MRPL48: variants seen among roughly 807,000 people sequenced by gnomAD.
MRPL48 encodes the protein large ribosomal subunit protein mL48.
In MRPL48, 16 loss-of-function variants were observed where a neutral mutation model predicts 32.9. The observed-to-expected ratio is 0.49, with a 90% CI of 0.33 to 0.74. MRPL48 has a LOEUF of 0.74. Ranked by LOEUF, MRPL48 falls within the 30% of genes least tolerant of loss-of-function variation. The pLI, the probability that MRPL48 is intolerant of heterozygous loss-of-function variation, is 0.02. For synonymous variants in MRPL48, 94 were observed against 89.2 expected, an observed-to-expected ratio of 1.05 and a Z score of -0.31; for missense variants, 206 against 245.3, an observed-to-expected ratio of 0.84 and a Z score of 1.07.
At chr11:73,856,807 C>T (rs561375053) in intron 5 of MRPL48, among the ~76,000 whole-genome samples, 14 of 152,200 alleles carry the variant, frequency 9.2e-5, no homozygotes, top group Non-Finnish European at 7.4e-5. Context: ...AAATTAAATT[C>T]CTTCATTTAT....
chr11:73,848,701 C>T (rs954811963), intron 5 of MRPL48, among the ~76,000 whole-genome samples: 3 of 152,096 alleles, frequency 2.0e-5, no homozygotes, highest in African/African-American at 7.2e-5. Flanking sequence ...CCCTACCTAC[C>T]TGCTCCAGTC....
intron 3 of MRPL48, 79 bp from the exon 4 acceptor site, chr11:73,825,629 G>T: frequency 7.7e-7 from 1 of 1,292,248 alleles, no homozygotes; most frequent in Non-Finnish European, 1.1e-6. Context: ...TTGGGTGACA[G>T]AGCAAGACCC....
chr11:73,800,748 C>A (rs965833902), intron 1 of MRPL48, among the ~76,000 whole-genome samples: 17 of 151,556 alleles, frequency 1.1e-4, no homozygotes, highest in African/African-American at 3.9e-4. Context: ...CAGAGCTGAC[C>A]GGGAGAGTTC....
intron 3 of MRPL48, chr11:73,817,756 T>C (rs1001835434): frequency 6.0e-6 from 2 of 335,748 alleles, no homozygotes; most frequent in African/African-American, 2.2e-5. Context: ...CACACAGTTT[T>C]GTTGGTATTT....
rs1351397977 is a variant in MRPL48, at chr11:73,836,744, C to G, written c.202-8063C>G. On this transcript the variant is annotated intron_variant, in intron 4 of 7. Coordinates refer to ENST00000310614, the MANE Select transcript of MRPL48 (RefSeq NM_016055.6). ...GATGGCCAGAATTCATCTAACATCT[C>G]TAGTATTTCCATTTCATATAAATTC... 2.6e-5 allele frequency among the ~76,000 whole-genome samples: 4 copies of G among 152,182 alleles called. No homozygotes were observed. The South Asian group carries it at 8.3e-4, about 31-fold the overall frequency.
At chr11:73,863,771 T>G (rs1948623624) in intron 7 of MRPL48, among the ~76,000 whole-genome samples, 1 of 152,160 alleles carries the variant, frequency 6.6e-6, no homozygotes, top group South Asian at 2.1e-4. Flanking sequence ...TGGGTCCAGT[T>G]GCCAAGATGA....
chr11:73,860,946 G>A (rs1345133050), intron 6 of MRPL48, among the ~76,000 whole-genome samples: 1 of 151,990 alleles, frequency 6.6e-6, no homozygotes, highest in Non-Finnish European at 1.5e-5. Context: ...CATTTAAATG[G>A]AATTGTACAT....
At chr11:73,800,642 G>C (rs1377489396) in intron 1 of MRPL48, among the ~76,000 whole-genome samples, 1 of 152,030 alleles carries the variant, frequency 6.6e-6, no homozygotes, top group Non-Finnish European at 1.5e-5. Context: ...TTTGCTGATG[G>C]GGAGGAGAGG....
At chr11:73,831,350 C>T (rs935775295) in intron 4 of MRPL48, among the ~76,000 whole-genome samples, 1 of 152,108 alleles carries the variant, frequency 6.6e-6, no homozygotes, top group Admixed American at 6.6e-5. Flanking sequence ...CAGTGATTTC[C>T]CTTTTTGCAC....
At position 73,805,045 on chromosome 11, in the gene MRPL48, A is replaced by G. The variant is rs1947423886; in HGVS notation, c.40A>G (p.Asn14Asp). Residue 14 changes from asparagine (N) to aspartate (D), a missense_variant, in exon 2 of 8, where the codon AAT (asparagine) becomes GAT (aspartate). Physicochemically the swap from Asn to Asp is conservative, Grantham distance 23. Coordinates refer to ENST00000310614, the MANE Select transcript of MRPL48 (RefSeq NM_016055.6). ...GCTGTAGGTGCTGTGCCTGAGGAAC[A>G]ATACCATTTTTAAGCAAGCCTTTTC... ...TLEKVLCLRN[N>D]TIFKQAFSLL... 1 of 1,590,362 alleles carries G rather than the reference A, an allele frequency of 6.3e-7. No homozygotes were observed. The highest frequency in any genetic ancestry group is 1.8e-5 in the Admixed American group (1 of 56,508).
intron 4 of MRPL48, among the ~76,000 whole-genome samples, chr11:73,829,915 C>G (rs745367608): frequency 6.6e-6 from 1 of 151,572 alleles, no homozygotes; most frequent in Non-Finnish European, 1.5e-5. Flanking sequence ...CAGGAGTATA[C>G]CACTACACCC....
chr11:73,835,829 T>G (rs1039408843), intron 4 of MRPL48, among the ~76,000 whole-genome samples: 3 of 152,064 alleles, frequency 2.0e-5, no homozygotes, highest in African/African-American at 7.2e-5. Context: ...ACTCTGGAGG[T>G]GAAGGTTGCA....
At chr11:73,824,240 G>A (rs892115859) in intron 3 of MRPL48, among the ~76,000 whole-genome samples, 1 of 151,948 alleles carries the variant, frequency 6.6e-6, no homozygotes, top group African/African-American at 2.4e-5. Context: ...TTCACTTAAC[G>A]ATATTTGTTG....
At chr11:73,845,390 TA>T (rs1300274743) in intron 5 of MRPL48, among the ~76,000 whole-genome samples, 3 of 152,258 alleles carry the variant, frequency 2.0e-5, no homozygotes. Context: ...TAACTATTTT[TA>T]ACTGTACAGT....
intron 5 of MRPL48, among the ~76,000 whole-genome samples, chr11:73,856,776 G>A (rs539654185): frequency 6.6e-6 from 1 of 152,116 alleles, no homozygotes; most frequent in Admixed American, 6.5e-5. Context: ...GCATTATTTT[G>A]TCATGTTAGA....
At position 73,863,885 on chromosome 11, in the gene MRPL48, G is replaced by A. The variant is rs74387824; in HGVS notation, c.565-411G>A. 1.9e-4 allele frequency among the ~76,000 whole-genome samples: 29 copies of A among 152,126 alleles called. No homozygotes were observed. The East Asian group carries it at 4.1e-3, about 21-fold the overall frequency. ...CATCCTTGTCAAGCTTCTTCTGGTT[G>A]GTATTTGGGTTTCATACAGATCTGG... On this transcript the variant is annotated intron_variant, in intron 7 of 7. Transcript: ENST00000310614.
chr11:73,797,242 C>T (rs1052244968), intron 1 of MRPL48, among the ~76,000 whole-genome samples: 2 of 152,172 alleles, frequency 1.3e-5, no homozygotes, highest in African/African-American at 2.4e-5. Flanking sequence ...GCTATTCTGC[C>T]ACTCAATAAA....
chr11:73,812,699 A>G (rs1279842202), intron 3 of MRPL48, among the ~76,000 whole-genome samples: 2 of 146,892 alleles, frequency 1.4e-5, no homozygotes, highest in Admixed American at 6.9e-5. Context: ...TGGGCGACAG[A>G]GCAGGATCCC....
At chr11:73,818,663 A>G (rs375706283) in intron 3 of MRPL48, among the ~76,000 whole-genome samples, 1 of 152,140 alleles carries the variant, frequency 6.6e-6, no homozygotes, top group South Asian at 2.1e-4. Flanking sequence ...AATAACCTGT[A>G]ATTAGCTTCT....
Sources: gnomAD v4.1 joint callset for allele counts (sites outside exome capture counted in the v4.1 genomes callset) on GRCh38, gnomAD v4.1.1 for gene constraint, MANE v1.5 for transcripts, NCBI Gene and HGNC (gene_info 2026-07-23, HGNC 2026-07-21) for gene names.